PANK1: variants seen among roughly 807,000 people sequenced by gnomAD.
PANK1 encodes pantothenic acid kinase 1.
A neutral mutation model predicts 40.1 loss-of-function variants in PANK1; 18 were observed. That is an observed-to-expected ratio of 0.45 (90% CI 0.31 to 0.67). The LOEUF (loss-of-function observed/expected upper bound fraction) is 0.67. Among genes scored for constraint, PANK1 ranks in the 30% least tolerant of loss-of-function variants. The pLI is 0.06. For synonymous variants in PANK1, 242 were observed against 237.7 expected (o/e 1.02, Z -0.17); for missense variants, 457 against 599.6 (o/e 0.76, Z 2.48).
At chr10:89,625,722 G>C (rs1564633775) in intron 1 of PANK1, 1 of 140,290 alleles carries the variant, frequency 7.1e-6, no homozygotes, top group Non-Finnish European at 1.5e-5. Context: ...ATTTTATTTT[G>C]TAGGTTAAGA....
At chr10:89,640,344 G>A (rs774128225) in intron 1 of PANK1, among the ~76,000 whole-genome samples, 1 of 151,652 alleles carries the variant, frequency 6.6e-6, no homozygotes, top group Admixed American at 6.6e-5. Context: ...ATATTTCTTT[G>A]CCCCTTTGAA....
intron 2 of PANK1, among the ~76,000 whole-genome samples, chr10:89,608,806 T>A (rs1463143904): frequency 6.6e-6 from 1 of 152,240 alleles, no homozygotes. Flanking sequence ...GTAGTATATA[T>A]TGATCCTTTA....
chr10:89,596,152 G>A (rs551863412), intron 3 of PANK1, among the ~76,000 whole-genome samples: 14 of 152,000 alleles, frequency 9.2e-5, no homozygotes, highest in African/African-American at 2.9e-4. Flanking sequence ...ACAAAACTAC[G>A]GTGGGAACAT....
intron 1 of PANK1, among the ~76,000 whole-genome samples, chr10:89,619,165 C>A (rs2133976176): frequency 6.6e-6 from 1 of 152,196 alleles, no homozygotes; most frequent in East Asian, 1.9e-4. Flanking sequence ...GATTGTCTAT[C>A]TGGTAGTAGT....
chr10:89,644,999 G>A lies in PANK1; in HGVS notation c.-108C>T. 6.4e-7 allele frequency: 1 copy of A among 1,569,962 alleles called. No individual in the cohort carries two copies. The highest frequency in any genetic ancestry group is 8.6e-7 in the Non-Finnish European group (1 of 1,161,664). Reference sequence around the variant, plus strand: ...GATCCTCCCTGCGGCTTCCGATTCAGCAGCCGCAGAGCCGGCGCCTGGGGA... The same window carrying A: ...GATCCTCCCTGCGGCTTCCGATTCAACAGCCGCAGAGCCGGCGCCTGGGGA... On this transcript the variant is annotated 5_prime_UTR_variant, in exon 1 of 7. Transcript: ENST00000307534.
chr10:89,624,428 AG>A (rs1475100994), intron 1 of PANK1, among the ~76,000 whole-genome samples: 3 of 152,212 alleles, frequency 2.0e-5, no homozygotes, highest in Non-Finnish European at 4.4e-5. Flanking sequence ...TTATGGAGGA[AG>A]GGGGCCCATG....
intron 2 of PANK1, among the ~76,000 whole-genome samples, chr10:89,601,033 A>G (rs142910581): frequency 6.6e-6 from 1 of 152,306 alleles, no homozygotes; most frequent in East Asian, 1.9e-4. Context: ...TAAGTGACAC[A>G]ACTAGCAAAT....
intron 3 of PANK1, among the ~76,000 whole-genome samples, chr10:89,597,859 A>C (rs752162422): frequency 4.6e-5 from 7 of 152,258 alleles, no homozygotes; most frequent in Non-Finnish European, 8.8e-5. Flanking sequence ...GACAGTCCTC[A>C]TGAGGTCACG....
intron 2 of PANK1, among the ~76,000 whole-genome samples, chr10:89,608,890 T>C (rs1335107717): frequency 6.6e-6 from 1 of 152,164 alleles, no homozygotes; most frequent in Non-Finnish European, 1.5e-5. Context: ...CTAAGGGCCT[T>C]AGCACTCACT....
chr10:89,616,806 A>G (rs1845333703), intron 1 of PANK1, among the ~76,000 whole-genome samples: 1 of 152,082 alleles, frequency 6.6e-6, no homozygotes, highest in African/African-American at 2.4e-5. Flanking sequence ...CTGTAGTTCC[A>G]GCTACTTGGG....
intron 2 of PANK1, among the ~76,000 whole-genome samples, chr10:89,600,073 G>A (rs1035909498): frequency 3.9e-5 from 6 of 152,200 alleles, no homozygotes; most frequent in African/African-American, 1.2e-4. Flanking sequence ...CTCCCCAAGA[G>A]CCACTGAAGG....
At chr10:89,621,256 G>A (rs987998796) in intron 1 of PANK1, among the ~76,000 whole-genome samples, 6 of 151,730 alleles carry the variant, frequency 4.0e-5, no homozygotes, top group Admixed American at 6.6e-5. Flanking sequence ...AGCCGAGATC[G>A]TGCCATTGCA....
At position 89,599,032 on chromosome 10, in the gene PANK1, C is replaced by CA. The variant is rs1246228985; in HGVS notation, c.899+219dup. On this transcript the variant is annotated intron_variant, in intron 3 of 6. Transcript: ENST00000307534. Reference sequence around the variant, plus strand: ...CTGGTGTGTGCGATCCTTCTTCCCTCAACCTGACCAAAGTTTCTATCAAGG... The same window carrying CA: ...CTGGTGTGTGCGATCCTTCTTCCCTCAAACCTGACCAAAGTTTCTATCAAGG... The CA allele has an allele frequency of 9.8e-6, 5 of 510,842 alleles. No individual in the cohort carries two copies. In the Middle Eastern group the frequency reaches 2.0e-3, roughly 208 times the overall value. The allele number at this position is 510,842 out of a possible 1,614,324, so 31.6% of individuals were successfully genotyped here. A position where few individuals can be genotyped will look rare whatever the true frequency, so the allele number is the denominator to read the frequency against.
rs955562072 is a variant in PANK1 at position 89,583,904 on chromosome 10, A to G, written c.*502T>C. 1.3e-5 allele frequency: 2 copies of G among 152,854 alleles called. No individual in the cohort carries two copies. The highest frequency in any genetic ancestry group is 2.9e-5 in the Non-Finnish European group (2 of 68,216). The allele number at this position is 152,854 out of a possible 1,614,324, so 9.5% of individuals were successfully genotyped here. On this transcript the variant is annotated 3_prime_UTR_variant, in exon 7 of 7. Coordinates refer to ENST00000307534, the MANE Select transcript of PANK1 (RefSeq NM_148977.3). ...GAAAAACAAGACAAAAAAGGGTACA[A>G]AACAAATAACAAAAGTGTTCACAGT...
intron 1 of PANK1, among the ~76,000 whole-genome samples, chr10:89,637,561 C>T (rs1396494112): frequency 6.6e-6 from 1 of 152,148 alleles, no homozygotes; most frequent in Non-Finnish European, 1.5e-5. Flanking sequence ...AGTAAAAGTA[C>T]AGTCTAAAAG....
intron 1 of PANK1, 65 bp from the exon 2 acceptor site, chr10:89,612,113 A>T: frequency 7.7e-7 from 1 of 1,305,598 alleles, no homozygotes; most frequent in Non-Finnish European, 1.1e-6. Flanking sequence ...CAGTTTTTGA[A>T]TATTAAATAA....
intron 1 of PANK1, among the ~76,000 whole-genome samples, chr10:89,641,035 C>G (rs938087529): frequency 6.6e-6 from 1 of 152,162 alleles, no homozygotes; most frequent in Non-Finnish European, 1.5e-5. Flanking sequence ...TTGTACAATT[C>G]ATAGCTTAAT....
At chr10:89,643,488 T>C (rs921218850) in intron 1 of PANK1, among the ~76,000 whole-genome samples, 2 of 152,218 alleles carry the variant, frequency 1.3e-5, no homozygotes, top group African/African-American at 4.8e-5. Context: ...CCCACAGTCA[T>C]GTCAAAGGGC....
chr10:89,645,192 C>T lies in PANK1; in HGVS notation c.-301G>A, dbSNP rs374411467. On this transcript the variant is annotated 5_prime_UTR_variant, in exon 1 of 7. Transcript: ENST00000307534. ...CGGGGCTCCCGCCGCCCGCCTTCCC[C>T]TGATCCCCAGGCCGCGCGACTTCAA... 1,020 of 1,588,854 alleles carry T rather than the reference C, an allele frequency of 6.4e-4. 14 individuals carry two copies. In the South Asian group the frequency reaches 0.011, roughly 17 times the overall value.
Sources: gnomAD v4.1 joint callset for allele counts (sites outside exome capture counted in the v4.1 genomes callset) on GRCh38, gnomAD v4.1.1 for gene constraint, MANE v1.5 for transcripts, NCBI Gene and HGNC (gene_info 2026-07-23, HGNC 2026-07-21) for gene names.